Variants in ATP11C observed in about 807,000 individuals in gnomAD.
The protein encoded by ATP11C is ATPase phospholipid transporting 11C (ATP11C blood group).
ATP11C carries 36 observed loss-of-function variants against 97.4 expected under a neutral mutation model. The ratio of observed to expected loss-of-function variants is 0.37; its 90% confidence interval spans 0.28 to 0.49. The LOEUF (loss-of-function observed/expected upper bound fraction) is 0.49. Ranked by LOEUF, ATP11C falls within the 20% of genes least tolerant of loss-of-function variation. The pLI is 0.98. For synonymous variants in ATP11C, 275 were observed against 290.9 expected (o/e 0.95, Z 0.56); for missense variants, 730 against 824.6 (o/e 0.89, Z 1.40).
chrX:139,880,107 G>T (rs2084538596), intron 1 of ATP11C, among the ~76,000 whole-genome samples: 1 of 111,067 alleles, frequency 9.0e-6, no homozygotes, highest in Non-Finnish European at 1.9e-5. Context: ...CACTATATAG[G>T]CCATCCAGGG....
At chrX:139,865,937 C>G (rs1444474812) in intron 1 of ATP11C, among the ~76,000 whole-genome samples, 2 of 111,458 alleles carry the variant, frequency 1.8e-5, no homozygotes, top group Non-Finnish European at 3.8e-5. Flanking sequence ...CTTTCCAAGT[C>G]AGGAATAAAA....
chrX:139,914,953 A>T (rs1427040642), intron 1 of ATP11C, among the ~76,000 whole-genome samples: 2 of 111,776 alleles, frequency 1.8e-5, no homozygotes, highest in Non-Finnish European at 3.8e-5. Flanking sequence ...CTTATACAGC[A>T]CTTAAAACAG....
chrX:139,780,332 C>T (rs1349518594), intron 18 of ATP11C, among the ~76,000 whole-genome samples: 4 of 111,598 alleles, frequency 3.6e-5, no homozygotes, highest in Non-Finnish European at 7.5e-5. Context: ...ACCAGCAGCA[C>T]ATCAGAAAGA....
intron 1 of ATP11C, among the ~76,000 whole-genome samples, chrX:139,851,155 T>A (rs2083983746): frequency 9.0e-6 from 1 of 110,646 alleles, no homozygotes; most frequent in East Asian, 2.9e-4. Flanking sequence ...GAGGGAAGAA[T>A]GGTTCTGGAG....
intron 19 of ATP11C, among the ~76,000 whole-genome samples, chrX:139,772,558 C>T (rs1231185346): frequency 8.9e-6 from 1 of 111,799 alleles, no homozygotes; most frequent in East Asian, 2.8e-4. Flanking sequence ...GAGACTATAC[C>T]CTGCAAGGCC....
Position 139,799,768 on chromosome X carries a change from T to C in ATP11C, c.710+292A>G, listed in dbSNP as rs757135266. Among the ~76,000 whole-genome samples the C allele has an allele frequency of 4.9e-5, 5 of 101,521 alleles. No homozygotes were observed. The Admixed American group carries it at 5.6e-4, about 11-fold the overall frequency. The allele number at this position is 101,521 out of a possible 115,157, so 88.2% of individuals were successfully genotyped here. On this transcript the variant is annotated intron_variant, in intron 8 of 29. Coordinates refer to ENST00000682941, the MANE Select transcript of ATP11C (RefSeq NM_001353812.2). ...CCCGGGTTCAAGAGATTCTCCTGCC[T>C]CAGCCTCCTGAGTAGTTGGGATTAC...
At chrX:139,858,617 A>C (rs1289082434) in intron 1 of ATP11C, among the ~76,000 whole-genome samples, 2 of 112,366 alleles carry the variant, frequency 1.8e-5, no homozygotes, top group Non-Finnish European at 3.8e-5. Flanking sequence ...GTTTCAAAAA[A>C]CAATTCTAAG....
At chrX:139,770,068 G>A (rs2082224128) in intron 19 of ATP11C, among the ~76,000 whole-genome samples, 1 of 111,413 alleles carries the variant, frequency 9.0e-6, no homozygotes, top group Non-Finnish European at 1.9e-5. Flanking sequence ...CTCTTTCTTT[G>A]CTCCCCTACT....
At chrX:139,760,568 T>C (rs1778398938) in intron 22 of ATP11C, among the ~76,000 whole-genome samples, 1 of 112,065 alleles carries the variant, frequency 8.9e-6, no homozygotes, top group East Asian at 2.8e-4. Context: ...AAATACTATA[T>C]GATTTGAGTA....
At chrX:139,737,435 C>T (rs1015194790) in intron 28 of ATP11C, among the ~76,000 whole-genome samples, 1 of 110,541 alleles carries the variant, frequency 9.0e-6, no homozygotes, top group African/African-American at 3.3e-5. Context: ...AAATATACTG[C>T]TGGACAGACA....
intron 12 of ATP11C, among the ~76,000 whole-genome samples, chrX:139,794,029 G>A (rs1414566259): frequency 3.6e-5 from 4 of 111,980 alleles, no homozygotes; most frequent in East Asian, 2.8e-4. Context: ...AGGCAGAGCC[G>A]CAAGATGGGA....
chrX:139,885,043 C>T (rs1237353618), intron 1 of ATP11C, among the ~76,000 whole-genome samples: 1 of 111,174 alleles, frequency 9.0e-6, no homozygotes, highest in African/African-American at 3.3e-5. Flanking sequence ...AGATACAAAT[C>T]ACGATATCTA....
chrX:139,823,524 G>A (rs1209018894), intron 2 of ATP11C, among the ~76,000 whole-genome samples: 1 of 112,052 alleles, frequency 8.9e-6, no homozygotes, highest in Non-Finnish European at 1.9e-5. Flanking sequence ...TGTTACCCAA[G>A]ATTTCCAATT....
chrX:139,776,094 G>A (rs1355483618), intron 18 of ATP11C, among the ~76,000 whole-genome samples: 1 of 112,290 alleles, frequency 8.9e-6, no homozygotes, highest in Non-Finnish European at 1.9e-5. Flanking sequence ...AATCACTGAA[G>A]GGGGTAGCAC....
At chrX:139,914,094 T>C (rs939933815) in intron 1 of ATP11C, among the ~76,000 whole-genome samples, 1 of 111,875 alleles carries the variant, frequency 8.9e-6, no homozygotes, top group Admixed American at 9.5e-5. Flanking sequence ...AACTTAGATA[T>C]ATATCATCCC....
chrX:139,807,855 G>A (rs1190736093), intron 5 of ATP11C, among the ~76,000 whole-genome samples: 2 of 110,222 alleles, frequency 1.8e-5, no homozygotes, highest in African/African-American at 3.3e-5. Flanking sequence ...TGGAGATGGA[G>A]GTGGGAGGAC....
intron 1 of ATP11C, among the ~76,000 whole-genome samples, chrX:139,829,175 A>T (rs2083592051): frequency 9.0e-6 from 1 of 111,387 alleles, no homozygotes. Flanking sequence ...ACTCCTGAGC[A>T]TTTTCCAAAA....
chrX:139,741,138 G>T, intron 26 of ATP11C, 44 bp from the exon 27 acceptor site: 1 of 843,982 alleles, frequency 1.2e-6, no homozygotes, highest in Non-Finnish European at 1.8e-6. Flanking sequence ...GTTACGAATT[G>T]CACCAGGCAA....
At chrX:139,930,309 C>T (rs191399985) in intron 1 of ATP11C, among the ~76,000 whole-genome samples, 23 of 107,130 alleles carry the variant, frequency 2.1e-4, no homozygotes, top group Admixed American at 7.1e-4. Context: ...AAAAGGGAAG[C>T]AATGGGCTTT....
Sources: allele counts gnomAD v4.1 joint callset (sites outside exome capture counted in the v4.1 genomes callset), GRCh38; gene constraint gnomAD v4.1.1; transcripts MANE v1.5; gene names NCBI Gene and HGNC (gene_info 2026-07-23, HGNC 2026-07-21).